The following DYNC2I1 variants were observed in gnomAD, a reference collection of about 807,000 sequenced individuals.
The protein encoded by DYNC2I1 is cytoplasmic dynein 2 intermediate chain 1.
In DYNC2I1, 89 loss-of-function variants were observed where a neutral mutation model predicts 133.4. That is an observed-to-expected ratio of 0.67 (90% CI 0.56 to 0.80). DYNC2I1 has a LOEUF of 0.80. Among genes scored for constraint, DYNC2I1 ranks in the 30% least tolerant of loss-of-function variants. The pLI is 0.00. For missense variants in DYNC2I1, 1,291 were observed against 1,314.5 expected, an observed-to-expected ratio of 0.98 and a Z score of 0.28; for synonymous variants, 504 against 484.3, an observed-to-expected ratio of 1.04 and a Z score of -0.54.
chr7:158,928,175 A>T (rs887764531), intron 20 of DYNC2I1, among the ~76,000 whole-genome samples: 2 of 152,124 alleles, frequency 1.3e-5, no homozygotes, highest in African/African-American at 4.8e-5. Context: ...GCTGCTCTTG[A>T]TGCTATGGAG....
chr7:158,879,856 C>T lies in DYNC2I1; in HGVS notation c.746C>T (p.Ser249Phe), dbSNP rs748585110. The T allele has an allele frequency of 1.2e-6, 2 of 1,613,224 alleles. No individual in the cohort carries two copies. The highest frequency in any genetic ancestry group is 2.7e-5 in the African/African-American group (2 of 74,770). The change falls in exon 5 of 25, where the codon TCT becomes TTT. Residue 249 changes from serine (S) to phenylalanine (F), a missense_variant. Physicochemically the swap from Ser to Phe is radical, Grantham distance 155. Transcript: ENST00000407559. The stretch of plus-strand genomic sequence containing the variant: ...TCCAAAGAGAAAAGTAATTCATTCT[C>T]TGACAAAGGGGAAGAAAGACATAAA... ...KYSKEKSNSF[S>F]DKGEERHKEK...
At chr7:158,930,355 C>T (rs1244386367) in intron 20 of DYNC2I1, 100 bp from the exon 21 acceptor site, 3 of 1,023,046 alleles carry the variant, frequency 2.9e-6, no homozygotes, top group Non-Finnish European at 4.5e-6. Context: ...TTTCCTAACA[C>T]AGATATTTAA....
chr7:158,840,459 C>T, the DYNC2I1 span, among the ~76,000 whole-genome samples: 1,337 of 152,088 alleles, frequency 8.8e-3, 12 homozygotes, highest in Non-Finnish European at 0.012. Flanking sequence ...CCCAGCTACT[C>T]GGGAGGCTGA....
upstream of DYNC2I1, among the ~76,000 whole-genome samples, chr7:158,855,014 A>C (rs1841142182): frequency 1.3e-5 from 2 of 152,238 alleles, no homozygotes; most frequent in South Asian, 2.1e-4. Context: ...ACAGCTGTGC[A>C]TTTGGAAGAG....
rs967782267 is a variant in DYNC2I1 at position 158,863,707 on chromosome 7, G to T, written c.16-6148G>T. On this transcript the variant is annotated intron_variant, in intron 1 of 24. Transcript: ENST00000407559. ...ACGTCCTTAGCTCCTGGTGTGTGTG[G>T]GGGGGGCGGTGAGCGGGACGTCCTT... Among the ~76,000 whole-genome samples, 29 of 94,760 alleles carry T rather than the reference G, an allele frequency of 3.1e-4. 2 individuals are homozygous for T. Among genetic ancestry groups the T allele is most frequent in the Non-Finnish European group, 6.5e-5 (3 of 46,170 alleles). 62.2% of individuals were successfully genotyped at this position (94,760 alleles called of 152,430 possible).
chr7:158,953,311 C>T (rs182667306), intron 4 of DYNC2I1, among the ~76,000 whole-genome samples: 16 of 152,134 alleles, frequency 1.1e-4, no homozygotes, highest in East Asian at 7.7e-4. Flanking sequence ...CTACCCTCCT[C>T]GCCCTCCTCT....
intron 7 of DYNC2I1, among the ~76,000 whole-genome samples, chr7:158,891,051 G>A (rs1434130246): frequency 1.3e-5 from 2 of 152,226 alleles, no homozygotes; most frequent in Admixed American, 6.5e-5. Context: ...AGGGAAAGCC[G>A]AGGCACAGAG....
At chr7:158,861,479 C>T (rs1841863691) in intron 1 of DYNC2I1, among the ~76,000 whole-genome samples, 2 of 152,180 alleles carry the variant, frequency 1.3e-5, no homozygotes, top group Admixed American at 6.5e-5. Context: ...TGAATGAAAT[C>T]TATTTCACCA....
intron 1 of DYNC2I1, among the ~76,000 whole-genome samples, chr7:158,862,190 A>G (rs1256373579): frequency 6.6e-6 from 1 of 152,154 alleles, no homozygotes; most frequent in East Asian, 1.9e-4. Flanking sequence ...AACCTAAAGA[A>G]AATCCAGGCA....
chr7:158,926,087 G>T (rs1849586592), intron 17 of DYNC2I1, 100 bp from the exon 18 acceptor site: 4 of 897,020 alleles, frequency 4.5e-6, no homozygotes, highest in Non-Finnish European at 7.2e-6. Context: ...AGTTGGATCT[G>T]TGAGACCCAG....
At chr7:158,926,156 C>A (rs761540941) in intron 17 of DYNC2I1, 31 bp from the exon 18 acceptor site, 5 of 1,538,688 alleles carry the variant, frequency 3.2e-6, no homozygotes, top group South Asian at 1.1e-5. Context: ...TTACTACTTA[C>A]ACGTGGATGC....
At chr7:158,865,542 T>A (rs1421863995) in intron 1 of DYNC2I1, among the ~76,000 whole-genome samples, 1 of 152,162 alleles carries the variant, frequency 6.6e-6, no homozygotes, top group Non-Finnish European at 1.5e-5. Context: ...CCAGGACAGG[T>A]GCTTGCAGAT....
chr7:158,926,165 G>A, intron 17 of DYNC2I1, 22 bp from the exon 18 acceptor site: 1 of 1,576,618 alleles, frequency 6.3e-7, no homozygotes, highest in Admixed American at 1.7e-5. Context: ...ACACGTGGAT[G>A]CTGTGGGCTT....
At position 158,857,309 on chromosome 7, in the gene DYNC2I1, A is replaced by C. The variant is rs189146072; in HGVS notation, c.15+559A>C. Among the ~76,000 whole-genome samples the C allele has an allele frequency of 1.9e-3, 282 of 152,232 alleles. 1 individual carries two copies. Among genetic ancestry groups the C allele is most frequent in the African/African-American group, 6.3e-3 (261 of 41,548 alleles). Reference sequence around the variant, plus strand: ...AGGGTGTTTAAGAAGGTTAAGTGAGATATTATGTGTAAAAGTGCATAGACC... The same window carrying C: ...AGGGTGTTTAAGAAGGTTAAGTGAGCTATTATGTGTAAAAGTGCATAGACC... On this transcript the variant is annotated intron_variant, in intron 1 of 24. Coordinates refer to ENST00000407559, the MANE Select transcript of DYNC2I1 (RefSeq NM_018051.5).
intron 4 of DYNC2I1, among the ~76,000 whole-genome samples, chr7:158,954,522 C>T (rs1318453284): frequency 6.6e-6 from 1 of 152,120 alleles, no homozygotes; most frequent in Non-Finnish European, 1.5e-5. Flanking sequence ...GAGGTGTGTG[C>T]CTGTGGTCCC....
intron 1 of DYNC2I1, among the ~76,000 whole-genome samples, chr7:158,865,697 G>C (rs536901157): frequency 6.6e-6 from 1 of 152,296 alleles, no homozygotes; most frequent in East Asian, 1.9e-4. Context: ...GGGGAACTTT[G>C]CCCTTTGGTT....
chr7:158,902,251 C>T (rs1846328090), intron 9 of DYNC2I1, 125 bp from the exon 10 acceptor site: 2 of 767,376 alleles, frequency 2.6e-6, no homozygotes, highest in African/African-American at 3.5e-5. Context: ...CTATAAATAT[C>T]TTTCTTAGCT....
At chr7:158,936,797 G>C (rs1469013128) in intron 23 of DYNC2I1, among the ~76,000 whole-genome samples, 3 of 152,178 alleles carry the variant, frequency 2.0e-5, no homozygotes, top group Non-Finnish European at 4.4e-5. Context: ...CCCTCATTTG[G>C]GACAGGCCTC....
At chr7:158,912,639 T>G (rs1343501369) in intron 12 of DYNC2I1, among the ~76,000 whole-genome samples, 1 of 152,178 alleles carries the variant, frequency 6.6e-6, no homozygotes, top group Non-Finnish European at 1.5e-5. Context: ...TTCCTCATCA[T>G]AAAGCTGTTA....
Sources: allele counts gnomAD v4.1 joint callset (sites outside exome capture counted in the v4.1 genomes callset), GRCh38; gene constraint gnomAD v4.1.1; transcripts MANE v1.5; gene names NCBI Gene and HGNC (gene_info 2026-07-23, HGNC 2026-07-21).